Variants in PRKN observed in about 807,000 individuals in gnomAD.
PRKN encodes the protein parkin RBR E3 ubiquitin protein ligase.
PRKN carries 56 observed loss-of-function variants against 59.5 expected under a neutral mutation model. The observed-to-expected ratio is 0.94, with a 90% CI of 0.76 to 1.18. The LOEUF is 1.18. PRKN is among the 50% of genes most tolerant of loss of function. The probability of loss-of-function intolerance (pLI) is 0.00; values close to 1 mark genes in which losing one functional copy is unlikely to be tolerated. For synonymous variants in PRKN, 250 were observed against 222.1 expected (o/e 1.13, Z -1.12); for missense variants, 657 against 596.4 (o/e 1.10, Z -1.06).
intron 1 of PRKN, among the ~76,000 whole-genome samples, chr6:162,550,254 G>A (rs1044726147): frequency 6.6e-6 from 1 of 152,166 alleles, no homozygotes; most frequent in Non-Finnish European, 1.5e-5. Flanking sequence ...GTCTTAGGTA[G>A]GATTTCCTAG....
At chr6:161,398,227 G>C (rs900794749) in intron 9 of PRKN, among the ~76,000 whole-genome samples, 1 of 152,128 alleles carries the variant, frequency 6.6e-6, no homozygotes, top group Non-Finnish European at 1.5e-5. Flanking sequence ...GAGTCTAGGG[G>C]GAGAGGAGAG....
intron 5 of PRKN, among the ~76,000 whole-genome samples, chr6:162,040,897 G>T (rs1180526810): frequency 2.6e-5 from 4 of 151,914 alleles, no homozygotes; most frequent in African/African-American, 9.7e-5. Flanking sequence ...GGGCAGGAGG[G>T]AAAGTCATGC....
chr6:162,043,948 T>A (rs1334418954), intron 5 of PRKN, among the ~76,000 whole-genome samples: 2 of 152,144 alleles, frequency 1.3e-5, no homozygotes, highest in African/African-American at 4.8e-5. Context: ...AGATGGCTGA[T>A]CTTAATAACC....
intron 3 of PRKN, among the ~76,000 whole-genome samples, chr6:162,247,388 A>C (rs1048321560): frequency 1.3e-5 from 2 of 152,170 alleles, no homozygotes; most frequent in African/African-American, 4.8e-5. Flanking sequence ...ACACCGTGAA[A>C]GATAAAACTT....
chr6:162,029,240 A>G (rs1190213943), intron 5 of PRKN, among the ~76,000 whole-genome samples: 2 of 152,168 alleles, frequency 1.3e-5, no homozygotes, highest in Non-Finnish European at 2.9e-5. Flanking sequence ...TGACATTTCT[A>G]TTTTTTAAAA....
intron 2 of PRKN, among the ~76,000 whole-genome samples, chr6:162,366,999 T>C (rs1785476597): frequency 6.6e-6 from 1 of 152,202 alleles, no homozygotes; most frequent in Non-Finnish European, 1.5e-5. Flanking sequence ...GCTGTGTCCC[T>C]ACCCAAATCT....
intron 7 of PRKN, among the ~76,000 whole-genome samples, chr6:161,776,495 G>T (rs532539701): frequency 6.6e-6 from 1 of 152,272 alleles, no homozygotes; most frequent in African/African-American, 2.4e-5. Flanking sequence ...CATAGACATG[G>T]GCAGAGGGAG....
intron 2 of PRKN, among the ~76,000 whole-genome samples, chr6:162,342,864 T>A (rs575414633): frequency 6.6e-5 from 10 of 152,168 alleles, no homozygotes; most frequent in Non-Finnish European, 1.2e-4. Context: ...TACAGAAATC[T>A]TTGCTTAGTT....
intron 3 of PRKN, among the ~76,000 whole-genome samples, chr6:162,206,868 C>G (rs1319687972): frequency 6.6e-6 from 1 of 152,190 alleles, no homozygotes; most frequent in Non-Finnish European, 1.5e-5. Context: ...ACCAAATGAA[C>G]AGAATCAGCA....
intron 5 of PRKN, among the ~76,000 whole-genome samples, chr6:161,997,514 G>T (rs1274763763): frequency 1.3e-5 from 2 of 152,042 alleles, no homozygotes; most frequent in Non-Finnish European, 2.9e-5. Context: ...ACCTAACTCA[G>T]TACCAGCCAG....
rs1018264197 is a variant in PRKN at position 161,721,273 on chromosome 6, T to C, written c.871+64499A>G. On this transcript the variant is annotated intron_variant, in intron 7 of 11. Transcript: ENST00000366898. ...TGACCAACTGATTTGTAAAAGTCAATTTCATTAGAATATGCAGAATAGAGA... is the reference window on the plus strand; with the variant it reads ...TGACCAACTGATTTGTAAAAGTCAACTTCATTAGAATATGCAGAATAGAGA... Among the ~76,000 whole-genome samples the C allele has an allele frequency of 3.9e-5, 6 of 152,222 alleles. No individual in the cohort carries two copies. The South Asian group carries it at 8.3e-4, about 21-fold the overall frequency.
chr6:162,581,179 A>C (rs543704513), intron 1 of PRKN, among the ~76,000 whole-genome samples: 1 of 152,318 alleles, frequency 6.6e-6, no homozygotes, highest in South Asian at 2.1e-4. Flanking sequence ...TTTCCCCAAA[A>C]GAATACCAAG....
chr6:161,683,373 C>T lies in PRKN; in HGVS notation c.871+102399G>A, dbSNP rs554123368. Among the ~76,000 whole-genome samples, 410 of 152,286 alleles carry T rather than the reference C, an allele frequency of 2.7e-3. 1 individual carries two copies. Among genetic ancestry groups the T allele is most frequent in the Non-Finnish European group, 4.9e-3 (333 of 68,036 alleles). On this transcript the variant is annotated intron_variant, in intron 7 of 11. Transcript: ENST00000366898. ...GAATCATTTCATTCTAATCTGCACT[C>T]GATCTTAGCCAAAAGTCTGAGAAGC...
intron 2 of PRKN, among the ~76,000 whole-genome samples, chr6:162,268,054 T>C (rs1026712342): frequency 3.9e-5 from 6 of 152,140 alleles, no homozygotes; most frequent in African/African-American, 1.2e-4. Context: ...TCAGGAGTTA[T>C]GAAAATAGTT....
chr6:162,110,876 C>T (rs1232719353), intron 4 of PRKN, among the ~76,000 whole-genome samples: 1 of 152,104 alleles, frequency 6.6e-6, no homozygotes, highest in African/African-American at 2.4e-5. Context: ...CTGAACATAC[C>T]ATGAGGAAAA....
chr6:161,864,040 G>A (rs900549856), intron 6 of PRKN, among the ~76,000 whole-genome samples: 4 of 152,170 alleles, frequency 2.6e-5, no homozygotes, highest in African/African-American at 7.2e-5. Context: ...GATGGCTGCT[G>A]ACTGACCAGG....
At chr6:161,574,173 A>T (rs1781040963) in intron 7 of PRKN, among the ~76,000 whole-genome samples, 1 of 152,084 alleles carries the variant, frequency 6.6e-6, no homozygotes, top group Non-Finnish European at 1.5e-5. Flanking sequence ...CATCACAGGG[A>T]CACTAGTGTG....
intron 10 of PRKN, among the ~76,000 whole-genome samples, chr6:161,366,199 A>ATGC (rs1260154818): frequency 6.6e-6 from 1 of 152,178 alleles, no homozygotes; most frequent in East Asian, 1.9e-4. Flanking sequence ...ATGCAGTGAG[A>ATGC]TGCCAGCAGT....
chr6:161,783,954 G>A (rs549139119), intron 7 of PRKN, among the ~76,000 whole-genome samples: 4 of 152,208 alleles, frequency 2.6e-5, no homozygotes, highest in South Asian at 4.1e-4. Flanking sequence ...TCATTTGGAG[G>A]TATATTTTTC....
Sources: allele counts gnomAD v4.1 joint callset (sites outside exome capture counted in the v4.1 genomes callset), GRCh38; gene constraint gnomAD v4.1.1; transcripts MANE v1.5; gene names NCBI Gene and HGNC (gene_info 2026-07-23, HGNC 2026-07-21).